Variants in LYPD6B observed in about 807,000 individuals in gnomAD.
The protein encoded by LYPD6B is LY6/PLAUR domain containing 6B.
LYPD6B carries 17 observed loss-of-function variants against 22.8 expected under a neutral mutation model. The ratio of observed to expected loss-of-function variants is 0.75; its 90% CI spans 0.51 to 1.12. The LOEUF (loss-of-function observed/expected upper bound fraction) is 1.12, where lower values mean the gene tolerates loss of function less well. Among genes scored for constraint, LYPD6B ranks in the 50% most tolerant of loss-of-function variants. The pLI, the probability that LYPD6B is intolerant of heterozygous loss-of-function variation, is 0.00. For missense variants in LYPD6B, 221 were observed against 258.3 expected (o/e 0.86, Z 0.99); for synonymous variants, 106 against 91.6 (o/e 1.16, Z -0.90).
intron 1 of LYPD6B, among the ~76,000 whole-genome samples, chr2:149,079,258 G>C (rs1685014065): frequency 6.6e-6 from 1 of 152,056 alleles, no homozygotes; most frequent in South Asian, 2.1e-4. Flanking sequence ...TCAAATGAGA[G>C]CATTTCTGTT....
chr2:149,147,516 T>C (rs1057339954), intron 2 of LYPD6B, among the ~76,000 whole-genome samples: 4 of 152,050 alleles, frequency 2.6e-5, no homozygotes, highest in Non-Finnish European at 4.4e-5. Flanking sequence ...TTTTGTTTGT[T>C]TGTTTGTTTG....
intron 4 of LYPD6B, chr2:149,205,990 A>G (rs1475889259): frequency 2.1e-6 from 1 of 468,594 alleles, no homozygotes. Flanking sequence ...GTTTGTATAC[A>G]TATGTCATTA....
intron 3 of LYPD6B, among the ~76,000 whole-genome samples, chr2:149,180,951 C>T (rs539156439): frequency 7.9e-5 from 12 of 152,284 alleles, no homozygotes; most frequent in Admixed American, 6.5e-4. Context: ...GTCCTGCTTC[C>T]CAATCTGTCT....
intron 3 of LYPD6B, chr2:149,187,649 A>G (rs1692211494): frequency 3.6e-6 from 3 of 831,166 alleles, no homozygotes; most frequent in Non-Finnish European, 5.1e-6. Context: ...GGCTTGTCCA[A>G]TCTTTTGGAT....
At chr2:149,181,456 A>G (rs1691714189) in intron 3 of LYPD6B, among the ~76,000 whole-genome samples, 1 of 152,084 alleles carries the variant, frequency 6.6e-6, no homozygotes, top group Non-Finnish European at 1.5e-5. Context: ...ACCCACCTTA[A>G]TATCTCAGAA....
chr2:149,181,270 T>C (rs1238426566), intron 3 of LYPD6B, among the ~76,000 whole-genome samples: 1 of 152,154 alleles, frequency 6.6e-6, no homozygotes, highest in Non-Finnish European at 1.5e-5. Context: ...TTGTTAATCC[T>C]GAATCCTGGA....
intron 1 of LYPD6B, among the ~76,000 whole-genome samples, chr2:149,059,511 G>A (rs1683971561): frequency 6.6e-6 from 1 of 152,238 alleles, no homozygotes; most frequent in Non-Finnish European, 1.5e-5. Flanking sequence ...ACCCAGGGGT[G>A]TTGAGCAGTT....
Position 149,130,957 on chromosome 2 carries a change from A to C in LYPD6B, c.5+4A>C, listed in dbSNP as rs1162262438. 1 of 1,599,646 alleles carries C rather than the reference A, an allele frequency of 6.3e-7. No homozygotes were observed. The highest frequency in any genetic ancestry group is 1.3e-5 in the African/African-American group (1 of 74,628). ...TCTTGTTAATCACATGGATGTTGTG[A>C]GTATTATATTCACAAGTGGATGTAG... On this transcript the variant is annotated splice_donor_region_variant and intron_variant, in intron 2 of 6. Coordinates refer to ENST00000409642, the MANE Select transcript of LYPD6B (RefSeq NM_177964.5).
At chr2:149,151,196 C>G (rs1689350564) in intron 2 of LYPD6B, among the ~76,000 whole-genome samples, 1 of 152,046 alleles carries the variant, frequency 6.6e-6, no homozygotes, top group Non-Finnish European at 1.5e-5. Context: ...CCTGTAGGCG[C>G]TGGGTGGTGG....
intron 3 of LYPD6B, among the ~76,000 whole-genome samples, chr2:149,188,492 C>G (rs529131586): frequency 6.6e-6 from 1 of 152,314 alleles, no homozygotes; most frequent in South Asian, 2.1e-4. Context: ...AGAGTCATTA[C>G]TCATTCAGGA....
chr2:149,074,550 A>G (rs1470585683), intron 1 of LYPD6B, among the ~76,000 whole-genome samples: 2 of 152,318 alleles, frequency 1.3e-5, no homozygotes, highest in African/African-American at 4.8e-5. Context: ...TTGGCAATCA[A>G]CTGTGAATCA....
Position 149,111,169 on chromosome 2 carries a change from G to GA in LYPD6B, c.-66-19713dup, listed in dbSNP as rs1043798142. ...CAGAGGGACCCCCAGGAGGATGGGG[G>GA]ATCACGTAAGGTTTTGCTGAAGGTG... On this transcript the variant is annotated intron_variant, in intron 1 of 6. Transcript: ENST00000409642. 4.6e-5 allele frequency among the ~76,000 whole-genome samples: 7 copies of GA among 152,150 alleles called. No homozygotes were observed. The East Asian group carries it at 5.8e-4, about 13-fold the overall frequency.
intron 5 of LYPD6B, among the ~76,000 whole-genome samples, chr2:149,209,113 G>A (rs1188288346): frequency 6.6e-6 from 1 of 152,200 alleles, no homozygotes; most frequent in Non-Finnish European, 1.5e-5. Context: ...ATCCGAGAGG[G>A]AAGCAAGGGC....
At chr2:149,147,621 C>T (rs1178514618) in intron 2 of LYPD6B, among the ~76,000 whole-genome samples, 1 of 152,124 alleles carries the variant, frequency 6.6e-6, no homozygotes, top group Admixed American at 6.5e-5. Context: ...TCAAGTGATT[C>T]TCCCCCTGCA....
chr2:149,057,592 G>C (rs1270994752), intron 1 of LYPD6B, among the ~76,000 whole-genome samples: 1 of 152,024 alleles, frequency 6.6e-6, no homozygotes. Flanking sequence ...ACGATTAAAT[G>C]TTGGCTTCTC....
chr2:149,075,723 T>G (rs1684851291), intron 1 of LYPD6B, among the ~76,000 whole-genome samples: 1 of 152,208 alleles, frequency 6.6e-6, no homozygotes, highest in Admixed American at 6.5e-5. Flanking sequence ...AAGTATAAAG[T>G]TGGTCATATG....
At chr2:149,101,900 A>G (rs1481017028) in intron 1 of LYPD6B, among the ~76,000 whole-genome samples, 3 of 152,094 alleles carry the variant, frequency 2.0e-5, no homozygotes, top group Admixed American at 1.3e-4. Flanking sequence ...GTAACCAGTT[A>G]CTCTCTTTTT....
At chr2:149,154,333 G>T (rs179322) in intron 2 of LYPD6B, among the ~76,000 whole-genome samples, 117,598 of 151,866 alleles carry the variant, frequency 0.77, 45,987 homozygotes, top group Non-Finnish European at 0.83. Flanking sequence ...GCATGGCAAT[G>T]ATTGCTAGAA....
At chr2:149,096,995 G>A (rs2105466313) in intron 1 of LYPD6B, among the ~76,000 whole-genome samples, 1 of 152,270 alleles carries the variant, frequency 6.6e-6, no homozygotes, top group Admixed American at 6.5e-5. Flanking sequence ...TCAATGGGAG[G>A]CATCCAAACA....
Sources: allele counts gnomAD v4.1 joint callset (sites outside exome capture counted in the v4.1 genomes callset), GRCh38; gene constraint gnomAD v4.1.1; transcripts MANE v1.5; gene names NCBI Gene and HGNC (gene_info 2026-07-23, HGNC 2026-07-21).